SFRP5: variants seen among roughly 807,000 people sequenced by gnomAD.
SFRP5 encodes the protein secreted frizzled-related protein 5.
A neutral mutation model predicts 27.0 loss-of-function variants in SFRP5; 22 were observed. The observed-to-expected ratio is 0.82, with a 90% confidence interval of 0.58 to 1.17. SFRP5 has a LOEUF of 1.17. SFRP5 is among the 50% of genes most tolerant of loss of function. SFRP5 has a pLI of 0.00. For missense variants in SFRP5, 406 were observed against 436.6 expected, an observed-to-expected ratio of 0.93 and a Z score of 0.63; for synonymous variants, 171 against 195.0, an observed-to-expected ratio of 0.88 and a Z score of 1.03.
Position 97,771,596 on chromosome 10 carries a change from C to G in SFRP5, c.238G>C (p.Glu80Gln). ...RMRLPNLLEH[E>Q]SLAEVKQQAS... ...TGCTGCTTCACTTCGGCCAGGCTCT[C>G]GTGCTCCAGCAGGTTGGGCAGCCGC... Residue 80 changes from glutamate (E) to glutamine (Q), a missense_variant, in exon 1 of 3, where the codon GAG (glutamate) becomes CAG (glutamine). Transcript: ENST00000266066. The surrounding 1 kb of genome is among the most constrained non-coding windows in gnomAD (Gnocchi z 5.2). 1 of 1,611,576 alleles carries G rather than the reference C, an allele frequency of 6.2e-7. No homozygotes were observed.
rs368883061 is a variant in SFRP5 at position 97,767,864 on chromosome 10, T to G, written c.608-4A>C. 6.6e-7 allele frequency: 1 copy of G among 1,520,944 alleles called. No individual in the cohort carries two copies. Among genetic ancestry groups the G allele is most frequent in the East Asian group, 2.3e-5 (1 of 44,118 alleles). 94.2% of individuals were successfully genotyped at this position (1,520,944 alleles called of 1,614,324 possible). ...TCCTTGATGCGCATTTTGACCACTG[T>G]GGGAAGAAAGGACAGGGGCAAGTTG... On this transcript the variant is annotated splice_region_variant and splice_polypyrimidine_tract_variant and intron_variant, in intron 2 of 2. Coordinates refer to ENST00000266066, the MANE Select transcript of SFRP5 (RefSeq NM_003015.3).
intron 1 of SFRP5, 47 bp from the exon 2 acceptor site, chr10:97,769,792 A>T: frequency 1.4e-6 from 2 of 1,425,286 alleles, no homozygotes; most frequent in Non-Finnish European, 2.0e-6. Context: ...TGGTGAGGGG[A>T]TTGGAGTTCC....
At chr10:97,768,192 C>T (rs1432193497) in intron 2 of SFRP5, among the ~76,000 whole-genome samples, 1 of 151,876 alleles carries the variant, frequency 6.6e-6, no homozygotes, top group East Asian at 1.9e-4. Flanking sequence ...ATGTGGGGCT[C>T]CCCAGGGAGG....
At chr10:97,768,524 A>G (rs1470321920) in intron 2 of SFRP5, among the ~76,000 whole-genome samples, 1 of 152,242 alleles carries the variant, frequency 6.6e-6, no homozygotes, top group South Asian at 2.1e-4. Context: ...GGGAATAGAT[A>G]CACACAGTTC....
chr10:97,771,276 G>C lies in SFRP5; in HGVS notation c.529+29C>G. 1 of 1,482,474 alleles carries C rather than the reference G, an allele frequency of 6.7e-7. No individual in the cohort carries two copies. The allele number at this position is 1,482,474 out of a possible 1,614,324, so 91.8% of individuals were successfully genotyped here. The stretch of plus-strand genomic sequence containing the variant: ...CTAGGGGAGCTGCAGGGCCGTCGGA[G>C]CGCGCGGGGACGGCGGCGGCGGCGC... On this transcript the variant is annotated intron_variant, in intron 1 of 2. Transcript: ENST00000266066. This position sits in a 1 kb window ranked among gnomAD's most constrained non-coding sequence, Gnocchi z 5.2.
Position 97,767,762 on chromosome 10 carries a change from TCAGGGGGCCCGG to T in SFRP5, c.694_705del (p.Pro232_Leu235del). ...ACCAGCCGCTTGGTGTCCTTGCGCT[TCAGGGGGCCCGG>T]CTTGAGCAGCTTCTTCTTTTTCTGG... On this transcript the variant is annotated inframe_deletion, in exon 3 of 3. Transcript: ENST00000266066. The T allele has an allele frequency of 6.3e-7, 1 of 1,597,888 alleles. No individual in the cohort carries two copies. The highest frequency in any genetic ancestry group is 8.5e-7 in the Non-Finnish European group (1 of 1,171,968).
Position 97,771,457 on chromosome 10 carries a change from G to T in SFRP5, c.377C>A (p.Ser126Ter), listed in dbSNP as rs764370169. 6.2e-7 allele frequency: 1 copy of T among 1,612,686 alleles called. No individual in the cohort carries two copies. The highest frequency in any genetic ancestry group is 1.1e-5 in the South Asian group (1 of 90,990). Residue 126 changes from serine (S) to a stop codon, truncating the protein, a stop_gained, in exon 1 of 3, where the codon TCG becomes TAG. Transcript: ENST00000266066. LOFTEE classifies it high-confidence loss of function. This position sits in a 1 kb window ranked among gnomAD's most constrained non-coding sequence, Gnocchi z 5.2. ...GCCGGCGCGCACGGCCTCGCACAGC[G>T]AGCGGCACGGGTAGATGGGCCGGTC... ...CLDRPIYPCR[S>*]LCEAVRAGCA...
At position 97,771,826 on chromosome 10, in the gene SFRP5, G is replaced by A. The variant is rs1590136128; in HGVS notation, c.8C>T (p.Ala3Val). Residue 3 changes from alanine to valine, a missense_variant, in exon 1 of 3, where the codon GCG becomes GTG. Ala to Val is a moderately conservative substitution (Grantham distance 64). Coordinates refer to ENST00000266066, the MANE Select transcript of SFRP5 (RefSeq NM_003015.3). The surrounding 1 kb of genome is among the most constrained non-coding windows in gnomAD (Gnocchi z 5.2). ...CCGCACGCCCCCCCCCGCCGCCGCC[G>A]CCCGCATGGCTGCGCCCTCTCCAGG... MR[A>V]AAAGGGVRTA... 9 of 1,173,136 alleles carry A rather than the reference G, an allele frequency of 7.7e-6. No homozygotes were observed. The Admixed American group carries it at 2.8e-4, about 37-fold the overall frequency. The allele number at this position is 1,173,136 out of a possible 1,614,324, so 72.7% of individuals were successfully genotyped here.
At chr10:97,768,697 T>A (rs1486217205) in intron 2 of SFRP5, among the ~76,000 whole-genome samples, 2 of 151,958 alleles carry the variant, frequency 1.3e-5, no homozygotes, top group African/African-American at 4.8e-5. Flanking sequence ...GGGGCTAGGA[T>A]GAAGGCAGGG....
Position 97,771,486 on chromosome 10 carries a change from A to G in SFRP5, c.348T>C (p.Cys116=). Residue 116 remains cysteine, a synonymous_variant, in exon 1 of 3, where the codon TGT becomes TGC. Transcript: ENST00000266066. This position sits in a 1 kb window ranked among gnomAD's most constrained non-coding sequence, Gnocchi z 5.2. The stretch of plus-strand genomic sequence containing the variant: ...GGCACGGGTAGATGGGCCGGTCGAG[A>G]CAGACGGGCGCAAAGAGCGAGCACA... ...VFLCSLFAPV[C]LDRPIYPCRS... 1 of 1,611,176 alleles carries G rather than the reference A, an allele frequency of 6.2e-7. No homozygotes were observed. Among genetic ancestry groups the G allele is most frequent in the Non-Finnish European group, 8.5e-7 (1 of 1,178,050 alleles).
Position 97,767,872 on chromosome 10 carries a change from A to T in SFRP5, c.608-12T>A. On this transcript the variant is annotated splice_polypyrimidine_tract_variant and intron_variant, in intron 2 of 2. Transcript: ENST00000266066. ...GCGCATTTTGACCACTGTGGGAAGAAAGGACAGGGGCAAGTTGGGAATGGT... is the reference window on the plus strand; with the variant it reads ...GCGCATTTTGACCACTGTGGGAAGATAGGACAGGGGCAAGTTGGGAATGGT... 6.6e-7 allele frequency: 1 copy of T among 1,516,664 alleles called. No homozygotes were observed. Among genetic ancestry groups the T allele is most frequent in the Non-Finnish European group, 8.8e-7 (1 of 1,132,756 alleles). The allele number at this position is 1,516,664 out of a possible 1,614,324, so 94.0% of individuals were successfully genotyped here. A position where few individuals can be genotyped will look rare whatever the true frequency, so the allele number is the denominator to read the frequency against.
intron 2 of SFRP5, among the ~76,000 whole-genome samples, 198 bp from the exon 3 acceptor site, chr10:97,768,058 C>T (rs544401395): frequency 9.2e-5 from 14 of 152,204 alleles, no homozygotes; most frequent in South Asian, 2.1e-4. Flanking sequence ...GACAGCATCA[C>T]GTTTCATCCT....
Position 97,769,689 on chromosome 10 carries a change from G to A in SFRP5, c.586C>T (p.Gln196Ter), listed in dbSNP as rs760339721. ...TCACCAAAGTCACTGGAGCACATCTGCTCCATGAGGCCGTCAGCACTGTGC... is the reference window on the plus strand; with the variant it reads ...TCACCAAAGTCACTGGAGCACATCTACTCCATGAGGCCGTCAGCACTGTGC... Reference protein sequence around the residue: ...MEHSADGLMEQMCSSDFVVKM... With the variant: ...MEHSADGLME The change falls in exon 2 of 3, where the codon CAG becomes TAG. Residue 196 changes from glutamine to a stop codon, truncating the protein, a stop_gained. Coordinates refer to ENST00000266066, the MANE Select transcript of SFRP5 (RefSeq NM_003015.3). LOFTEE classifies it high-confidence loss of function. 6.2e-7 allele frequency: 1 copy of A among 1,612,794 alleles called. No individual in the cohort carries two copies. The highest frequency in any genetic ancestry group is 8.5e-7 in the Non-Finnish European group (1 of 1,179,452).
rs1407501880 is a variant in SFRP5, at chr10:97,769,714, C to T, written c.561G>A (p.Glu187=). The T allele has an allele frequency of 1.9e-6, 3 of 1,613,694 alleles. No homozygotes were observed. The African/African-American group carries it at 4.0e-5, about 22-fold the overall frequency. The stretch of plus-strand genomic sequence containing the variant: ...GCTCCATGAGGCCGTCAGCACTGTG[C>T]TCCATCTCACACTGGGCGCAGATCT... The part of the protein sequence containing the change: ...VTKICAQCEM[E]HSADGLMEQM... The change falls in exon 2 of 3, where the codon GAG becomes GAA. Residue 187 remains glutamate (E), a synonymous_variant. Transcript: ENST00000266066.
Position 97,771,729 on chromosome 10 carries a change from A to G in SFRP5, c.105T>C (p.Tyr35=). The change falls in exon 1 of 3, where the codon TAT becomes TAC. Residue 35 remains tyrosine (Y), a synonymous_variant. Coordinates refer to ENST00000266066, the MANE Select transcript of SFRP5 (RefSeq NM_003015.3). The surrounding 1 kb of genome is among the most constrained non-coding windows in gnomAD (Gnocchi z 5.2). ...CGTGCAGCGGCTCGGCCTGCCAGCC[A>G]TAGTAGTCGTACTCCTCGCAGCGCG... ...APARCEEYDY[Y]GWQAEPLHGR... The G allele has an allele frequency of 6.3e-7, 1 of 1,596,680 alleles. No individual in the cohort carries two copies. The highest frequency in any genetic ancestry group is 8.5e-7 in the Non-Finnish European group (1 of 1,179,266).
chr10:97,770,489 C>T (rs2049508386), intron 1 of SFRP5, among the ~76,000 whole-genome samples: 1 of 150,258 alleles, frequency 6.7e-6, no homozygotes, highest in African/African-American at 2.5e-5. Flanking sequence ...TGTGGACCAG[C>T]ACAGAAAAGG....
In SFRP5 at chr10:97,771,274, G is replaced by T; in HGVS notation, c.529+31C>A. 6.8e-7 allele frequency: 1 copy of T among 1,474,186 alleles called. No homozygotes were observed. Among genetic ancestry groups the T allele is most frequent in the Non-Finnish European group, 9.1e-7 (1 of 1,099,604 alleles). 91.3% of individuals were successfully genotyped at this position (1,474,186 alleles called of 1,614,324 possible). A position where few individuals can be genotyped will look rare whatever the true frequency, so the allele number is the denominator to read the frequency against. ...TGCTAGGGGAGCTGCAGGGCCGTCG[G>T]AGCGCGCGGGGACGGCGGCGGCGGC... On this transcript the variant is annotated intron_variant, in intron 1 of 2. Transcript: ENST00000266066. The surrounding 1 kb of genome is among the most constrained non-coding windows in gnomAD (Gnocchi z 5.2).
At chr10:97,770,845 T>G (rs915205625) in intron 1 of SFRP5, among the ~76,000 whole-genome samples, 30 of 152,140 alleles carry the variant, frequency 2.0e-4, no homozygotes, top group African/African-American at 7.0e-4. Flanking sequence ...CCCTCACCTC[T>G]CCTCTCTTCC....
In SFRP5 at chr10:97,771,746, CGCAGCGCGCCGGCGCCCAGT is replaced by C. The variant is rs759354795; in HGVS notation, c.68_87del (p.His23ArgfsTer26). On this transcript the variant is annotated frameshift_variant, in exon 1 of 3. Coordinates refer to ENST00000266066, the MANE Select transcript of SFRP5 (RefSeq NM_003015.3). LOFTEE classifies it high-confidence loss of function. This position sits in a 1 kb window ranked among gnomAD's most constrained non-coding sequence, Gnocchi z 5.2. The stretch of plus-strand genomic sequence containing the variant: ...TGCCAGCCATAGTAGTCGTACTCCT[CGCAGCGCGCCGGCGCCCAGT>C]GCAGCGCCCCCAGCAGCAGCGCCAG... 9.7e-5 allele frequency: 154 copies of C among 1,592,018 alleles called. No individual in the cohort carries two copies. The highest frequency in any genetic ancestry group is 1.3e-4 in the Non-Finnish European group (149 of 1,177,880).
Sources: gnomAD v4.1 joint callset for allele counts (sites outside exome capture counted in the v4.1 genomes callset) on GRCh38, gnomAD v4.1.1 for gene constraint, Gnocchi (gnomAD v3.1) non-coding constraint, MANE v1.5 for transcripts, NCBI Gene and HGNC (gene_info 2026-07-23, HGNC 2026-07-21) for gene names.